The following GOPC variants were observed in gnomAD, a reference collection of about 807,000 sequenced individuals.
GOPC encodes golgi associated PDZ and coiled-coil motif containing.
A neutral mutation model predicts 51.2 loss-of-function variants in GOPC; 32 were observed. The ratio of observed to expected loss-of-function variants is 0.63; its 90% CI spans 0.47 to 0.84. The LOEUF (loss-of-function observed/expected upper bound fraction) is 0.84, where lower values mean the gene tolerates loss of function less well. Among genes scored for constraint, GOPC ranks in the 40% least tolerant of loss-of-function variants. GOPC has a pLI of 0.00. For missense variants in GOPC, 441 were observed against 555.5 expected, an observed-to-expected ratio of 0.79 and a Z score of 2.07; for synonymous variants, 190 against 205.1, an observed-to-expected ratio of 0.93 and a Z score of 0.63.
chr6:117,587,792 T>A (rs1328387101), intron 1 of GOPC, among the ~76,000 whole-genome samples: 1 of 152,102 alleles, frequency 6.6e-6, no homozygotes, highest in East Asian at 1.9e-4. Context: ...TACAAGTCAA[T>A]GCAGTGGCAC....
At chr6:117,579,141 G>T in intron 1 of GOPC, 77 bp from the exon 2 acceptor site, 1 of 1,125,122 alleles carries the variant, frequency 8.9e-7, no homozygotes, top group Non-Finnish European at 1.2e-6. Flanking sequence ...ATTCAAGAAT[G>T]ACAACAGAGA....
chr6:117,561,621 C>T lies in GOPC; in HGVS notation c.*1633G>A. 3 of 204,170 alleles carry T rather than the reference C, an allele frequency of 1.5e-5. No homozygotes were observed. 12.6% of individuals were successfully genotyped at this position (204,170 alleles called of 1,614,324 possible). On this transcript the variant is annotated 3_prime_UTR_variant, in exon 9 of 9. Coordinates refer to ENST00000368498, the MANE Select transcript of GOPC (RefSeq NM_020399.4). ...TTTAAGAGGCCTACCCTGTCAAGAG[C>T]AAACAATAACATGTAACTTGCTTAT...
chr6:117,597,078 GT>G (rs1374735747), intron 1 of GOPC, among the ~76,000 whole-genome samples: 9 of 152,134 alleles, frequency 5.9e-5, no homozygotes, highest in Admixed American at 5.9e-4. Flanking sequence ...GTGTTTTATA[GT>G]TTTCTTTGTA....
chr6:117,563,443 C>A (rs1007695978), intron 8 of GOPC, 59 bp from the exon 9 acceptor site: 2 of 1,547,072 alleles, frequency 1.3e-6, no homozygotes, highest in South Asian at 2.2e-5. Flanking sequence ...TGGTTTTGGT[C>A]AGGTGCAGTG....
chr6:117,589,463 G>T (rs1472356274), intron 1 of GOPC, among the ~76,000 whole-genome samples: 1 of 152,208 alleles, frequency 6.6e-6, no homozygotes, highest in African/African-American at 2.4e-5. Flanking sequence ...GGGATTACAG[G>T]CATGTACCAC....
rs1278154976 is a variant in GOPC at position 117,597,531 on chromosome 6, ATGAT to A, written c.285+4469_285+4472del. ...CAATGCCTATGATTCTAGCATAGCC[ATGAT>A]CAAGTGGCTCATGACAGCAAAAACT... is the stretch of plus-strand genomic sequence containing the variant. On this transcript the variant is annotated intron_variant, in intron 1 of 8. Coordinates refer to ENST00000368498, the MANE Select transcript of GOPC (RefSeq NM_020399.4). Among the ~76,000 whole-genome samples, 11 of 152,358 alleles carry A rather than the reference ATGAT, an allele frequency of 7.2e-5. No homozygotes were observed. The East Asian group carries it at 2.1e-3, about 29-fold the overall frequency.
Position 117,561,505 on chromosome 6 carries a change from T to C in GOPC, c.*1749A>G. The C allele has an allele frequency of 4.6e-6, 1 of 217,006 alleles. No homozygotes were observed. The highest frequency in any genetic ancestry group is 1.9e-4 in the South Asian group (1 of 5,374). 13.4% of individuals were successfully genotyped at this position (217,006 alleles called of 1,614,324 possible). On this transcript the variant is annotated 3_prime_UTR_variant, in exon 9 of 9. Coordinates refer to ENST00000368498, the MANE Select transcript of GOPC (RefSeq NM_020399.4). ...TTTTTGACTAAATAAATACGGTGGC[T>C]AAAATCCAGTTTGCAGATCTCATGT...
intron 7 of GOPC, among the ~76,000 whole-genome samples, chr6:117,569,271 A>C (rs1265788689): frequency 3.9e-5 from 6 of 152,184 alleles, no homozygotes; most frequent in African/African-American, 1.4e-4. Context: ...TGTTCTGAGT[A>C]CTTTATATGT....
chr6:117,589,519 A>G (rs1227415574), intron 1 of GOPC, among the ~76,000 whole-genome samples: 1 of 152,142 alleles, frequency 6.6e-6, no homozygotes, highest in Non-Finnish European at 1.5e-5. Flanking sequence ...GGGTTTCACC[A>G]TGTTGGTCAG....
At chr6:117,567,126 G>A (rs1779714575) in intron 7 of GOPC, 92 bp from the exon 8 acceptor site, 1 of 856,782 alleles carries the variant, frequency 1.2e-6, no homozygotes, top group Admixed American at 3.3e-5. Flanking sequence ...CTTAGGGGTA[G>A]AGAGATCTAA....
At position 117,586,004 on chromosome 6, in the gene GOPC, C is replaced by A. The variant is rs181150760; in HGVS notation, c.286-6940G>T. ...AGGTGTAAATATTATGTCACATCTA[C>A]CTATAATTGCTTCTACACCTTTTGT... On this transcript the variant is annotated intron_variant, in intron 1 of 8. Coordinates refer to ENST00000368498, the MANE Select transcript of GOPC (RefSeq NM_020399.4). 2.0e-5 allele frequency among the ~76,000 whole-genome samples: 3 copies of A among 152,312 alleles called. No individual in the cohort carries two copies. The East Asian group carries it at 5.8e-4, about 29-fold the overall frequency.
Position 117,587,784 on chromosome 6 carries a change from C to T in GOPC, c.286-8720G>A, listed in dbSNP as rs141763909. On this transcript the variant is annotated intron_variant, in intron 1 of 8. Transcript: ENST00000368498. ...TGAGTAAAATGTTGGGATTTTAGTA[C>T]AAGTCAATGCAGTGGCACCAAGCTC... Among the ~76,000 whole-genome samples the T allele has an allele frequency of 7.0e-4, 107 of 152,050 alleles. No homozygotes were observed. In the East Asian group the frequency reaches 0.019, roughly 27 times the overall value.
At chr6:117,598,372 C>CA (rs1164430218) in intron 1 of GOPC, among the ~76,000 whole-genome samples, 1 of 149,718 alleles carries the variant, frequency 6.7e-6, no homozygotes, top group Non-Finnish European at 1.5e-5. Context: ...GGCCCTGTCT[C>CA]AAAAAAAGAA....
At chr6:117,591,080 G>A (rs892813529) in intron 1 of GOPC, among the ~76,000 whole-genome samples, 40 of 152,274 alleles carry the variant, frequency 2.6e-4, no homozygotes, top group African/African-American at 9.6e-4. Context: ...TCAAACTCCT[G>A]ACCTCAGGTG....
intron 1 of GOPC, among the ~76,000 whole-genome samples, chr6:117,591,219 T>C (rs1780112048): frequency 6.6e-6 from 1 of 152,092 alleles, no homozygotes. Flanking sequence ...CAATCTGATA[T>C]CTATACCAAA....
chr6:117,573,643 G>GGAAAAGAGTACATT lies in GOPC; in HGVS notation c.651-25_651-12dup. On this transcript the variant is annotated splice_polypyrimidine_tract_variant and intron_variant, in intron 4 of 8. Transcript: ENST00000368498. The stretch of plus-strand genomic sequence containing the variant: ...TGTATCTGTTGGACCCTTCATATTG[G>GGAAAAGAGTACATT]GAAAAGAGTACATTGATTTTTCATT... 6.3e-7 allele frequency: 1 copy of GGAAAAGAGTACATT among 1,594,238 alleles called. No homozygotes were observed. The highest frequency in any genetic ancestry group is 8.6e-7 in the Non-Finnish European group (1 of 1,169,500).
intron 1 of GOPC, among the ~76,000 whole-genome samples, chr6:117,584,120 G>GA (rs1325237419): frequency 2.0e-5 from 3 of 152,118 alleles, no homozygotes; most frequent in South Asian, 4.1e-4. Context: ...TTGGATTAGT[G>GA]GGAAAACAAC....
intron 1 of GOPC, among the ~76,000 whole-genome samples, chr6:117,580,788 T>C (rs575874971): frequency 3.9e-5 from 6 of 152,274 alleles, no homozygotes; most frequent in East Asian, 1.9e-4. Flanking sequence ...AAGGACACAG[T>C]AGCAACGTCC....
intron 1 of GOPC, among the ~76,000 whole-genome samples, chr6:117,584,533 A>C (rs1780003165): frequency 1.3e-5 from 2 of 152,178 alleles, no homozygotes; most frequent in Non-Finnish European, 2.9e-5. Flanking sequence ...AAAGAGATGC[A>C]CAGAATAAGG....
Sources: allele counts gnomAD v4.1 joint callset (sites outside exome capture counted in the v4.1 genomes callset), GRCh38; gene constraint gnomAD v4.1.1; transcripts MANE v1.5; gene names NCBI Gene and HGNC (gene_info 2026-07-23, HGNC 2026-07-21).